XYLB: variants seen among roughly 807,000 people sequenced by gnomAD.
XYLB encodes xylulose kinase.
In XYLB, 62 loss-of-function variants were observed where a neutral mutation model predicts 78.7. That is an observed-to-expected ratio of 0.79 (90% CI 0.64 to 0.97). The LOEUF (loss-of-function observed/expected upper bound fraction) is 0.97. Ranked by LOEUF, XYLB falls within the 50% of genes least tolerant of loss-of-function variation. The pLI is 0.00. For synonymous variants in XYLB, 245 were observed against 247.4 expected, an observed-to-expected ratio of 0.99 and a Z score of 0.09; for missense variants, 687 against 676.8, an observed-to-expected ratio of 1.02 and a Z score of -0.17.
At chr3:38,412,696 A>G (rs1032712048) in intron 18 of XYLB, among the ~76,000 whole-genome samples, 7 of 152,132 alleles carry the variant, frequency 4.6e-5, no homozygotes, top group Admixed American at 4.6e-4. Flanking sequence ...TTTTTTTGAA[A>G]TTTTGTAGAT....
At chr3:38,438,850 A>G in the XYLB span, among the ~76,000 whole-genome samples, 1 of 152,118 alleles carries the variant, frequency 6.6e-6, no homozygotes, top group South Asian at 2.1e-4. Flanking sequence ...CAGTGTGCTG[A>G]TTGGTCCAAT....
At chr3:38,403,165 G>T (rs948128615) in intron 18 of XYLB, among the ~76,000 whole-genome samples, 8 of 151,752 alleles carry the variant, frequency 5.3e-5, no homozygotes, top group South Asian at 2.1e-4. Flanking sequence ...GGGTGGGTAT[G>T]TGCCTGTAAT....
chr3:38,426,945 C>T, the XYLB span, among the ~76,000 whole-genome samples: 46 of 152,286 alleles, frequency 3.0e-4, no homozygotes, highest in South Asian at 6.2e-4. Flanking sequence ...AAACCACAAA[C>T]GATAGCAGGA....
the XYLB span, among the ~76,000 whole-genome samples, chr3:38,450,664 G>T: frequency 1.3e-5 from 2 of 152,132 alleles, no homozygotes; most frequent in Admixed American, 6.5e-5. Flanking sequence ...AATAGAACTC[G>T]TTTTTCAAAT....
intron 17 of XYLB, among the ~76,000 whole-genome samples, chr3:38,398,034 G>A (rs574258957): frequency 4.0e-4 from 61 of 151,202 alleles, no homozygotes; most frequent in Non-Finnish European, 7.5e-4. Context: ...TAGCCAGGAT[G>A]GTCTCGATCT....
At chr3:38,354,338 G>C (rs1444427186) in intron 2 of XYLB, among the ~76,000 whole-genome samples, 1 of 152,014 alleles carries the variant, frequency 6.6e-6, no homozygotes. Flanking sequence ...GAAGTGCTGG[G>C]ATTACAGGTG....
chr3:38,430,677 T>C, the XYLB span, among the ~76,000 whole-genome samples: 1 of 152,266 alleles, frequency 6.6e-6, no homozygotes, highest in South Asian at 2.1e-4. Context: ...CTAGGGTTTT[T>C]ATGGTTTTAG....
intron 18 of XYLB, among the ~76,000 whole-genome samples, chr3:38,409,121 G>T (rs1035959198): frequency 4.6e-5 from 7 of 152,206 alleles, no homozygotes; most frequent in Admixed American, 1.3e-4. Context: ...GATGAGCATT[G>T]ATGCAAAAAC....
intron 2 of XYLB, chr3:38,356,179 AG>A (rs1414017779): frequency 6.3e-6 from 1 of 158,424 alleles, no homozygotes; most frequent in East Asian, 1.8e-4. Flanking sequence ...TGAACCTGGG[AG>A]GCAGAGTTTG....
At chr3:38,448,493 C>T in the XYLB span, among the ~76,000 whole-genome samples, 2 of 152,154 alleles carry the variant, frequency 1.3e-5, no homozygotes, top group Non-Finnish European at 1.5e-5. Context: ...GACTGATAAT[C>T]CCATTATCTC....
At chr3:38,392,985 C>T (rs192085382) in intron 15 of XYLB, among the ~76,000 whole-genome samples, 36 of 152,262 alleles carry the variant, frequency 2.4e-4, no homozygotes, top group African/African-American at 7.7e-4. Flanking sequence ...GAAGTCTTTG[C>T]GAATGATGTA....
rs1367261198 is a variant in XYLB at position 38,372,690 on chromosome 3, A to C, written c.801A>C (p.Gly267=). ...AISSYYVQRY[G]FPPGCKVVAF... is the part of the protein sequence containing the mutation. ...CTTCCTACTACGTCCAGCGCTACGG[A>C]TTTCCTCCAGGATGCAAAGTGGTGG... The change falls in exon 10 of 19, where the codon GGA becomes GGC. Residue 267 remains glycine (G), a synonymous_variant. Transcript: ENST00000207870. 6.2e-7 allele frequency: 1 copy of C among 1,613,862 alleles called. No individual in the cohort carries two copies. The highest frequency in any genetic ancestry group is 1.7e-5 in the Admixed American group (1 of 60,000).
intron 5 of XYLB, 103 bp downstream of exon 5, chr3:38,365,388 G>T: frequency 7.2e-7 from 1 of 1,391,788 alleles, no homozygotes; most frequent in Non-Finnish European, 1.0e-6. Flanking sequence ...GTGCTCACGC[G>T]CCCTCACCAG....
chr3:38,385,069 C>T (rs1269017463), intron 15 of XYLB, among the ~76,000 whole-genome samples: 1 of 152,138 alleles, frequency 6.6e-6, no homozygotes, highest in Non-Finnish European at 1.5e-5. Flanking sequence ...GGTACAATCT[C>T]AGCTCACTGC....
chr3:38,427,933 A>G, the XYLB span, among the ~76,000 whole-genome samples: 3 of 152,166 alleles, frequency 2.0e-5, no homozygotes, highest in African/African-American at 7.2e-5. Flanking sequence ...TACATAACTG[A>G]TTTAAGACAT....
chr3:38,365,151 T>A (rs750569832), intron 4 of XYLB, 48 bp from the exon 5 acceptor site: 27 of 1,579,290 alleles, frequency 1.7e-5, no homozygotes, highest in Non-Finnish European at 2.3e-5. Context: ...CAGGAGGCTG[T>A]GACACTGGTG....
chr3:38,434,456 T>C, the XYLB span, among the ~76,000 whole-genome samples: 1 of 152,204 alleles, frequency 6.6e-6, no homozygotes, highest in African/African-American at 2.4e-5. Flanking sequence ...CAGCCAAAAA[T>C]ATTTTATTCA....
At chr3:38,386,205 G>A (rs1707378066) in intron 15 of XYLB, among the ~76,000 whole-genome samples, 1 of 152,004 alleles carries the variant, frequency 6.6e-6, no homozygotes, top group Non-Finnish European at 1.5e-5. Context: ...TGGCTTCTCT[G>A]CTTACCCTTA....
chr3:38,449,068 C>T, the XYLB span, among the ~76,000 whole-genome samples: 6 of 152,140 alleles, frequency 3.9e-5, no homozygotes, highest in African/African-American at 1.4e-4. Flanking sequence ...TGGTTTTTTC[C>T]ATACAGTTGC....
Sources: gnomAD v4.1 joint callset for allele counts (sites outside exome capture counted in the v4.1 genomes callset) on GRCh38, gnomAD v4.1.1 for gene constraint, MANE v1.5 for transcripts, NCBI Gene and HGNC (gene_info 2026-07-23, HGNC 2026-07-21) for gene names.